Variants in ATP13A3 observed in about 807,000 individuals in gnomAD.
The protein encoded by ATP13A3 is ATPase 13A3, also known as polyamine-transporting ATPase 13A3.
Under a neutral mutation model 158.1 loss-of-function variants are expected in ATP13A3, and 59 were observed. The observed-to-expected ratio is 0.37, with a 90% CI of 0.30 to 0.46. ATP13A3 has a LOEUF of 0.46. Ranked by LOEUF, ATP13A3 falls within the 20% of genes least tolerant of loss-of-function variation. The pLI is 1.00. For synonymous variants in ATP13A3, 491 were observed against 504.3 expected (o/e 0.97, Z 0.35); for missense variants, 1,166 against 1,525.2 (o/e 0.76, Z 3.92).
chr3:194,448,751 T>A lies in ATP13A3; in HGVS notation c.971-115A>T. The A allele has an allele frequency of 1.8e-6, 2 of 1,086,854 alleles. No homozygotes were observed. The highest frequency in any genetic ancestry group is 2.6e-6 in the Non-Finnish European group (2 of 779,860). 67.3% of individuals were successfully genotyped at this position (1,086,854 alleles called of 1,614,324 possible). ...TTGTTAAATATTTTAAATGCTACCATACTGTTTACAATAATCACTGAGAGT... is the reference window on the plus strand; with the variant it reads ...TTGTTAAATATTTTAAATGCTACCAAACTGTTTACAATAATCACTGAGAGT... On this transcript the variant is annotated intron_variant, in intron 11 of 33. Coordinates refer to ENST00000645319, the MANE Select transcript of ATP13A3 (RefSeq NM_001367549.1). The surrounding 1 kb of genome is among the most constrained non-coding windows in gnomAD (Gnocchi z 4.0).
rs116093412 is a variant in ATP13A3, at chr3:194,461,569, G to C, written c.51+571C>G. On this transcript the variant is annotated intron_variant, in intron 3 of 33. Transcript: ENST00000645319. ...TAGTTTCAGGTGAGCCCCCCAACAA[G>C]CGTTGCCAGATTTAATAAATGAAAA... 6.4e-3 allele frequency among the ~76,000 whole-genome samples: 970 copies of C among 152,202 alleles called. 2 individuals carry two copies. The highest frequency in any genetic ancestry group is 0.031 in the Middle Eastern group (9 of 294).
At chr3:194,493,637 C>CA (rs111402619) in intron 2 of ATP13A3, among the ~76,000 whole-genome samples, 4,995 of 152,112 alleles carry the variant, frequency 0.033, 203 homozygotes, top group African/African-American at 0.09. Flanking sequence ...GACTCCATCT[C>CA]AAAAAACAAA....
intron 2 of ATP13A3, among the ~76,000 whole-genome samples, chr3:194,474,410 T>C (rs1720436912): frequency 6.6e-6 from 1 of 152,166 alleles, no homozygotes; most frequent in Admixed American, 6.5e-5. Flanking sequence ...CACCTTGGCC[T>C]TCCAAGCAGC....
chr3:194,417,303 T>C (rs924303084), intron 31 of ATP13A3, among the ~76,000 whole-genome samples: 4 of 151,686 alleles, frequency 2.6e-5, no homozygotes, highest in African/African-American at 9.7e-5. Flanking sequence ...AGGTGCCAGC[T>C]ACTCGTGAGG....
At chr3:194,462,651 T>C (rs571094434) in intron 2 of ATP13A3, among the ~76,000 whole-genome samples, 17 of 152,348 alleles carry the variant, frequency 1.1e-4, no homozygotes, top group African/African-American at 4.1e-4. Flanking sequence ...ACCATCGAAG[T>C]GTTCTTTTAA....
chr3:194,439,141 G>A (rs1247396320), intron 16 of ATP13A3, among the ~76,000 whole-genome samples, 169 bp from the exon 17 acceptor site: 1 of 152,140 alleles, frequency 6.6e-6, no homozygotes, highest in Non-Finnish European at 1.5e-5. Context: ...ACTAACATAA[G>A]TAAAAGAAAA....
At chr3:194,470,108 C>G (rs1467915455) in intron 2 of ATP13A3, among the ~76,000 whole-genome samples, 2 of 152,058 alleles carry the variant, frequency 1.3e-5, no homozygotes, top group African/African-American at 4.8e-5. Flanking sequence ...TACAAGGATA[C>G]CAGCTAAATT....
chr3:194,474,593 G>A (rs986554991), intron 2 of ATP13A3, among the ~76,000 whole-genome samples: 4 of 152,052 alleles, frequency 2.6e-5, no homozygotes, highest in African/African-American at 7.2e-5. Flanking sequence ...TCAGAGTTAA[G>A]GTAAAGTTTT....
At chr3:194,416,129 G>A (rs1173092432) in intron 31 of ATP13A3, among the ~76,000 whole-genome samples, 1 of 152,156 alleles carries the variant, frequency 6.6e-6, no homozygotes, top group Non-Finnish European at 1.5e-5. Context: ...ATTCTTCAGG[G>A]AGAAAAACTG....
intron 14 of ATP13A3, 122 bp downstream of exon 14, chr3:194,446,805 G>A (rs1171619779): frequency 7.3e-6 from 7 of 957,264 alleles, no homozygotes; most frequent in African/African-American, 1.7e-5. Flanking sequence ...GGAGGAAAAG[G>A]AAAATTAGAG....
chr3:194,431,539 C>T (rs1048863548), intron 22 of ATP13A3, among the ~76,000 whole-genome samples, 178 bp downstream of exon 22: 2 of 152,174 alleles, frequency 1.3e-5, no homozygotes, highest in Non-Finnish European at 2.9e-5. Flanking sequence ...AAAATTTGAA[C>T]ATTGAGATTC....
chr3:194,467,904 C>G (rs1203751506), intron 2 of ATP13A3: 4 of 152,124 alleles, frequency 2.6e-5, no homozygotes, highest in Non-Finnish European at 5.9e-5. Flanking sequence ...CTTTTCTGGA[C>G]TGCTGGAGCA....
chr3:194,455,358 T>C (rs1447486492), intron 8 of ATP13A3, among the ~76,000 whole-genome samples: 1 of 152,178 alleles, frequency 6.6e-6, no homozygotes, highest in East Asian at 1.9e-4. Flanking sequence ...AGCACTTTCA[T>C]ATATAGTCTC....
rs3836225 is a variant in ATP13A3, at chr3:194,403,917, T to TGG, written c.*2000_*2001dup. ...TTACTAACTCTAAATGTTAAAAAAGTGGGGGGGGGGTGTCAAAAATAGCTC... is the reference window on the plus strand; with the variant it reads ...TTACTAACTCTAAATGTTAAAAAAGTGGGGGGGGGGGGTGTCAAAAATAGCTC... On this transcript the variant is annotated 3_prime_UTR_variant, in exon 34 of 34. Coordinates refer to ENST00000645319, the MANE Select transcript of ATP13A3 (RefSeq NM_001367549.1). 0.092 allele frequency: 25,237 copies of TGG among 272,938 alleles called. 760 individuals carry two copies. The highest frequency in any genetic ancestry group is 0.11 in the Non-Finnish European group (15,233 of 139,912). The allele number at this position is 272,938 out of a possible 1,614,324, so 16.9% of individuals were successfully genotyped here.
At chr3:194,432,116 A>G (rs1717268402) in intron 21 of ATP13A3, 1 of 422,044 alleles carries the variant, frequency 2.4e-6, no homozygotes, top group South Asian at 6.4e-5. Flanking sequence ...AAAACATCTC[A>G]CCCACAATTT....
chr3:194,421,155 A>ATATATATAGTTTATATATATAAACTAAAC lies in ATP13A3; in HGVS notation c.3314-1189_3314-1188insGTTTAGTTTATATATATAAACTATATATA. Among the ~76,000 whole-genome samples the ATATATATAGTTTATATATATAAACTAAAC allele has an allele frequency of 6.2e-4, 16 of 25,878 alleles. 3 individuals carry two copies. Among genetic ancestry groups the ATATATATAGTTTATATATATAAACTAAAC allele is most frequent in the African/African-American group, 3.4e-3 (15 of 4,348 alleles). The allele number at this position is 25,878 out of a possible 152,430, so 17.0% of individuals were successfully genotyped here. A position where few individuals can be genotyped will look rare whatever the true frequency, so the allele number is the denominator to read the frequency against. ...ATATATAGTATATATATATATATAT[A>ATATATATAGTTTATATATATAAACTAAAC]TATATATATATATAGTTTTAGTAGC... On this transcript the variant is annotated intron_variant, in intron 30 of 33. Transcript: ENST00000645319.
chr3:194,446,467 G>C (rs1372282941), intron 14 of ATP13A3, among the ~76,000 whole-genome samples: 1 of 152,222 alleles, frequency 6.6e-6, no homozygotes, highest in Admixed American at 6.5e-5. Context: ...CGTTCCGCCA[G>C]TTGCTGAGAT....
chr3:194,491,275 C>A (rs1334099749), upstream of ATP13A3, among the ~76,000 whole-genome samples: 1 of 152,126 alleles, frequency 6.6e-6, no homozygotes, highest in Non-Finnish European at 1.5e-5. Flanking sequence ...TAACTCTTGC[C>A]TTTCTTCCCC....
intron 3 of ATP13A3, 93 bp from the exon 4 acceptor site, chr3:194,460,924 G>T (rs1339550605): frequency 1.6e-6 from 2 of 1,288,456 alleles, no homozygotes; most frequent in East Asian, 2.5e-5. Flanking sequence ...TTCCAGATAG[G>T]TATTTATTGT....
Sources: gnomAD v4.1 joint callset for allele counts (sites outside exome capture counted in the v4.1 genomes callset) on GRCh38, gnomAD v4.1.1 for gene constraint, Gnocchi (gnomAD v3.1) non-coding constraint, MANE v1.5 for transcripts, NCBI Gene and HGNC (gene_info 2026-07-23, HGNC 2026-07-21) for gene names.